The following CABIN1 variants were observed in gnomAD, a reference collection of about 807,000 sequenced individuals.
CABIN1 encodes calcineurin binding protein 1.
A neutral mutation model predicts 227.7 loss-of-function variants in CABIN1; 133 were observed. The ratio of observed to expected loss-of-function variants is 0.58; its 90% confidence interval spans 0.51 to 0.67. The LOEUF (loss-of-function observed/expected upper bound fraction) is 0.67, where lower values mean the gene tolerates loss of function less well. Among genes scored for constraint, CABIN1 ranks in the 30% least tolerant of loss-of-function variants. CABIN1 has a pLI of 0.00. For missense variants in CABIN1, 2,408 were observed against 2,852.5 expected, an observed-to-expected ratio of 0.84 and a Z score of 3.55; for synonymous variants, 1,086 against 1,155.1, an observed-to-expected ratio of 0.94 and a Z score of 1.21.
chr22:24,167,249 G>T lies in CABIN1; in HGVS notation c.5618G>T (p.Gly1873Val), dbSNP rs2046506775. The T allele has an allele frequency of 1.2e-6, 2 of 1,613,348 alleles. No individual in the cohort carries two copies. Among genetic ancestry groups the T allele is most frequent in the African/African-American group, 1.3e-5 (1 of 74,950 alleles). The stretch of plus-strand genomic sequence containing the variant: ...CGTGTGTGGCAGCAGGGCCAGAAGG[G>T]TGTGGCCTATGACCTGGGCCGTGTG... ...AYRVWQQGQK[G>V]VAYDLGRVER... is the part of the protein sequence containing the mutation. Residue 1873 changes from glycine (G) to valine (V), a missense_variant, in exon 32 of 37, where the codon GGT (glycine) becomes GTT (valine). Gly to Val is a moderately radical substitution (Grantham distance 109). Transcript: ENST00000263119.
chr22:24,141,695 T>G (rs2044770498), intron 29 of CABIN1, among the ~76,000 whole-genome samples: 1 of 152,152 alleles, frequency 6.6e-6, no homozygotes, highest in African/African-American at 2.4e-5. Context: ...GTCTCCCATG[T>G]GAGTGGGGAG....
At chr22:24,056,395 C>T (rs2038799995) in intron 10 of CABIN1, 35 bp downstream of exon 10, 1 of 1,605,238 alleles carries the variant, frequency 6.2e-7, no homozygotes, top group Non-Finnish European at 8.5e-7. Flanking sequence ...CAGAAACAAA[C>T]CCACAAAGCT....
intron 28 of CABIN1, among the ~76,000 whole-genome samples, chr22:24,121,407 T>C (rs2043403534): frequency 6.6e-6 from 1 of 152,196 alleles, no homozygotes; most frequent in African/African-American, 2.4e-5. Context: ...GGGAGTCTCA[T>C]CATCTGGGGC....
At chr22:24,085,201 GACTCC>G (rs773561691) in intron 22 of CABIN1, 50 bp downstream of exon 22, 1 of 1,607,288 alleles carries the variant, frequency 6.2e-7, no homozygotes, top group Non-Finnish European at 8.5e-7. Context: ...TGACTGGGGT[GACTCC>G]AGCTCAGCAA....
At chr22:24,031,687 G>T (rs1425580401) in intron 1 of CABIN1, among the ~76,000 whole-genome samples, 1 of 152,178 alleles carries the variant, frequency 6.6e-6, no homozygotes, top group Non-Finnish European at 1.5e-5. Context: ...AGCCCAGTGG[G>T]TGAGCAGCAG....
chr22:24,130,301 G>A (rs776271327), intron 28 of CABIN1, among the ~76,000 whole-genome samples: 2 of 152,178 alleles, frequency 1.3e-5, no homozygotes, highest in Non-Finnish European at 2.9e-5. Flanking sequence ...ATGCCCAGGC[G>A]GATTTGTAAA....
intron 28 of CABIN1, among the ~76,000 whole-genome samples, chr22:24,130,716 C>G (rs2044022354): frequency 6.6e-6 from 1 of 152,158 alleles, no homozygotes; most frequent in South Asian, 2.1e-4. Flanking sequence ...CCTGTCAGCA[C>G]CTATCTGGGG....
chr22:24,177,931 A>G lies in CABIN1; in HGVS notation c.6519+114A>G, dbSNP rs1314946584. The G allele has an allele frequency of 9.8e-7, 1 of 1,021,874 alleles. No homozygotes were observed. The highest frequency in any genetic ancestry group is 1.4e-6 in the Non-Finnish European group (1 of 733,376). The allele number at this position is 1,021,874 out of a possible 1,614,324, so 63.3% of individuals were successfully genotyped here. ...GGCCTGGGGTGTGGGTGAGGATGGC[A>G]TAGGGGCCTGGGGCAGGGGTGAGGG... On this transcript the variant is annotated intron_variant, in intron 36 of 36. Coordinates refer to ENST00000263119, the MANE Select transcript of CABIN1 (RefSeq NM_012295.4). This position sits in a 1 kb window ranked among gnomAD's most constrained non-coding sequence, Gnocchi z 4.4.
chr22:24,137,527 C>T (rs1433278961), intron 29 of CABIN1, among the ~76,000 whole-genome samples: 3 of 152,228 alleles, frequency 2.0e-5, no homozygotes, highest in African/African-American at 7.2e-5. Flanking sequence ...ATCAGGGCCA[C>T]CCCAGCCCAG....
intron 14 of CABIN1, among the ~76,000 whole-genome samples, chr22:24,063,801 C>A (rs1028687416): frequency 1.1e-4 from 16 of 152,252 alleles, no homozygotes; most frequent in African/African-American, 3.6e-4. Flanking sequence ...TCATCTGCAA[C>A]ATGGGGTTTA....
intron 34 of CABIN1, 96 bp from the exon 35 acceptor site, chr22:24,176,015 C>T: frequency 7.1e-7 from 1 of 1,414,434 alleles, no homozygotes; most frequent in South Asian, 1.2e-5. Context: ...CCCAGTGTCC[C>T]AGGGCACAAC....
intron 19 of CABIN1, 141 bp from the exon 20 acceptor site, chr22:24,083,087 C>A: frequency 1.2e-6 from 1 of 804,668 alleles, no homozygotes; most frequent in South Asian, 1.5e-5. Flanking sequence ...TTTTTGGAAT[C>A]AAGTCATGCA....
intron 28 of CABIN1, among the ~76,000 whole-genome samples, chr22:24,121,662 C>T (rs1161448806): frequency 1.3e-5 from 2 of 152,256 alleles, no homozygotes; most frequent in Admixed American, 6.5e-5. Context: ...GATATGAACT[C>T]TGTTGGGCTC....
chr22:24,054,525 C>CAG (rs2038627468), intron 8 of CABIN1, among the ~76,000 whole-genome samples: 1 of 152,188 alleles, frequency 6.6e-6, no homozygotes, highest in Non-Finnish European at 1.5e-5. Context: ...AAAGACTTGA[C>CAG]CTTCCTGAGG....
At chr22:24,013,416 C>T (rs900798937) in intron 1 of CABIN1, among the ~76,000 whole-genome samples, 4 of 151,982 alleles carry the variant, frequency 2.6e-5, no homozygotes, top group Non-Finnish European at 5.9e-5. Context: ...CCAGGATGGT[C>T]TTGATCTCCT....
At position 24,167,192 on chromosome 22, in the gene CABIN1, A is replaced by T. The variant is rs2046504062; in HGVS notation, c.5561A>T (p.Glu1854Val). The T allele has an allele frequency of 6.2e-7, 1 of 1,611,926 alleles. No individual in the cohort carries two copies. Among genetic ancestry groups the T allele is most frequent in the South Asian group, 1.1e-5 (1 of 90,500 alleles). The stretch of plus-strand genomic sequence containing the variant: ...AAGAGGAAGCTCCTGGAGGACACAG[A>T]GTCAGGCAAGACACTTCTGTTGGAT... Reference protein sequence around the residue: ...SRKRKLLEDTESGKTLLLDAY... With the variant: ...SRKRKLLEDTVSGKTLLLDAY... Residue 1854 changes from glutamate (E) to valine (V), a missense_variant, in exon 32 of 37, where the codon GAG (glutamate) becomes GTG (valine). By Grantham distance (121) the Glu-to-Val change is moderately radical. This residue lies in a region of CABIN1 where 714 missense variants were observed against 773.8 expected (regional missense o/e 0.92). Transcript: ENST00000263119.
intron 8 of CABIN1, among the ~76,000 whole-genome samples, chr22:24,052,634 A>T (rs190642073): frequency 1.7e-3 from 258 of 151,906 alleles, no homozygotes; most frequent in African/African-American, 6.1e-3. Context: ...TACAAAAAAT[A>T]AACAAAATTA....
chr22:24,073,790 G>A (rs2040253402), intron 18 of CABIN1, among the ~76,000 whole-genome samples: 1 of 152,166 alleles, frequency 6.6e-6, no homozygotes, highest in Non-Finnish European at 1.5e-5. Context: ...GGAGACCTGG[G>A]GCATGGGGAT....
intron 1 of CABIN1, among the ~76,000 whole-genome samples, chr22:24,026,012 T>G (rs1372402390): frequency 2.0e-5 from 3 of 152,150 alleles, no homozygotes; most frequent in African/African-American, 7.2e-5. Context: ...TTTTTTGTAT[T>G]TTTTTGTAGA....
Sources: allele counts gnomAD v4.1 joint callset (sites outside exome capture counted in the v4.1 genomes callset), GRCh38; gene constraint gnomAD v4.1.1; regional missense constraint gnomAD v4.1.1; non-coding constraint Gnocchi (gnomAD v3.1); transcripts MANE v1.5; gene names NCBI Gene and HGNC (gene_info 2026-07-23, HGNC 2026-07-21).